PTPRH: variants seen among roughly 807,000 people sequenced by gnomAD.
PTPRH encodes protein tyrosine phosphatase receptor type H.
PTPRH carries 113 observed loss-of-function variants against 130.2 expected under a neutral mutation model. That is an observed-to-expected ratio of 0.87 (90% CI 0.75 to 1.01). PTPRH has a LOEUF of 1.01. PTPRH is among the 50% of genes least tolerant of loss of function. The pLI, the probability that PTPRH is intolerant of heterozygous loss-of-function variation, is 0.00. For synonymous variants in PTPRH, 556 were observed against 577.9 expected (o/e 0.96, Z 0.54); for missense variants, 1,430 against 1,425.0 (o/e 1.00, Z -0.06).
At position 55,186,139 on chromosome 19, in the gene PTPRH, T is replaced by C. The variant is rs575763508; in HGVS notation, c.2778+86A>G. ...CCTGGGGTTACCCTGGAGGAATCCG[T>C]AAGGTCTGGGTGTGGGGTCTACATT... On this transcript the variant is annotated intron_variant, in intron 16 of 19. Transcript: ENST00000376350. 1.3e-5 allele frequency: 21 copies of C among 1,569,780 alleles called. No individual in the cohort carries two copies. The Admixed American group carries it at 2.3e-4, about 17-fold the overall frequency.
Position 55,196,862 on chromosome 19 carries a change from T to A in PTPRH, c.1991-74A>T. 3 of 1,536,886 alleles carry A rather than the reference T, an allele frequency of 2.0e-6. No individual in the cohort carries two copies. The South Asian group carries it at 3.7e-5, about 19-fold the overall frequency. On this transcript the variant is annotated intron_variant, in intron 9 of 19. Coordinates refer to ENST00000376350, the MANE Select transcript of PTPRH (RefSeq NM_002842.5). The stretch of plus-strand genomic sequence containing the variant: ...CACCCCCTCCACCCCTACCCCCAGT[T>A]TTCTGAGACGAGCCCATCCCTTCCT...
intron 18 of PTPRH, among the ~76,000 whole-genome samples, chr19:55,184,691 A>G (rs1044843554): frequency 7.3e-5 from 11 of 150,296 alleles, no homozygotes; most frequent in Admixed American, 6.6e-5. Flanking sequence ...GGAGGCTGAG[A>G]CAGGAGAATT....
At chr19:55,201,929 G>A in intron 6 of PTPRH, 127 bp downstream of exon 6, 2 of 1,422,666 alleles carry the variant, frequency 1.4e-6, no homozygotes, top group Non-Finnish European at 1.9e-6. Context: ...GACTGCCCCA[G>A]GATGTGGACA....
At chr19:55,197,667 A>G (rs931334414) in intron 8 of PTPRH, among the ~76,000 whole-genome samples, 1 of 152,096 alleles carries the variant, frequency 6.6e-6, no homozygotes, top group African/African-American at 2.4e-5. Context: ...AATGCACACC[A>G]ATTCCACCTA....
At chr19:55,200,938 G>A (rs1390148235) in intron 6 of PTPRH, among the ~76,000 whole-genome samples, 2 of 146,354 alleles carry the variant, frequency 1.4e-5, no homozygotes, top group African/African-American at 5.2e-5. Flanking sequence ...GCGAGACTCC[G>A]TCTCAAAACA....
intron 7 of PTPRH, 57 bp downstream of exon 7, chr19:55,200,179 C>T: frequency 1.3e-6 from 2 of 1,592,008 alleles, no homozygotes; most frequent in East Asian, 2.2e-5. Flanking sequence ...TGCCACGCCG[C>T]TCCTGCTGGT....
At chr19:55,199,789 GA>G (rs938216202) in intron 7 of PTPRH, among the ~76,000 whole-genome samples, 43 of 143,394 alleles carry the variant, frequency 3.0e-4, no homozygotes, top group South Asian at 2.2e-4. Flanking sequence ...GAGAGAGACA[GA>G]AAAAAAGAAA....
At chr19:55,200,964 C>CAA (rs66964920) in intron 6 of PTPRH, among the ~76,000 whole-genome samples, 36 of 148,718 alleles carry the variant, frequency 2.4e-4, no homozygotes, top group South Asian at 1.7e-3. Context: ...AAAAAACAAA[C>CAA]AAAAAAAACA....
chr19:55,187,690 G>T, intron 13 of PTPRH, 87 bp from the exon 14 acceptor site: 1 of 939,398 alleles, frequency 1.1e-6, no homozygotes, highest in South Asian at 1.3e-5. Flanking sequence ...TGCCTTCTTC[G>T]GCATCACCCC....
chr19:55,181,972 C>G (rs368424554), intron 19 of PTPRH, 44 bp downstream of exon 19: 4 of 1,613,416 alleles, frequency 2.5e-6, no homozygotes, highest in Non-Finnish European at 3.4e-6. Flanking sequence ...CAGGGTCCCT[C>G]GTCCCACTGC....
Position 55,196,522 on chromosome 19 carries a change from C to A in PTPRH, c.2257G>T (p.Gly753Trp). 6.2e-7 allele frequency: 1 copy of A among 1,609,644 alleles called. No individual in the cohort carries two copies. Among genetic ancestry groups the A allele is most frequent in the Non-Finnish European group, 8.5e-7 (1 of 1,178,414 alleles). ...HSVVCHTESA[G>W]VIAGAFVGIL... ...GGCTGGCCCGCGCGGCTCCGCTCAC[C>A]TGCACTCTCGGTGTGGCAGACCACA... Residue 753 changes from glycine (G) to tryptophan (W), a missense_variant and splice_region_variant, in exon 10 of 20, where the codon GGG (glycine) becomes TGG (tryptophan). Gly to Trp is a radical substitution (Grantham distance 184). Transcript: ENST00000376350.
At chr19:55,192,455 A>AT (rs2086571859) in intron 10 of PTPRH, among the ~76,000 whole-genome samples, 1 of 152,100 alleles carries the variant, frequency 6.6e-6, no homozygotes, top group African/African-American at 2.4e-5. Flanking sequence ...ATTACAGATG[A>AT]AATGTATGTT....
rs1466923614 is a variant in PTPRH at position 55,181,907 on chromosome 19, G to A, written c.3199-4C>T. 1 of 1,614,092 alleles carries A rather than the reference G, an allele frequency of 6.2e-7. No homozygotes were observed. Among genetic ancestry groups the A allele is most frequent in the African/African-American group, 1.3e-5 (1 of 74,936 alleles). On this transcript the variant is annotated splice_region_variant and splice_polypyrimidine_tract_variant and intron_variant, in intron 19 of 19. Transcript: ENST00000376350. ...GATGCAGGAATACGTACTGAGCCTG[G>A]GAAGCAGGCACGGGAGTGAGAGGCG... is the stretch of plus-strand genomic sequence containing the variant.
rs903468714 is a variant in PTPRH, at chr19:55,209,154, T to C, written c.51+229A>G. On this transcript the variant is annotated intron_variant, in intron 1 of 19. Coordinates refer to ENST00000376350, the MANE Select transcript of PTPRH (RefSeq NM_002842.5). This position sits in a 1 kb window ranked among gnomAD's most constrained non-coding sequence, Gnocchi z 4.1. ...GTGTCCCCCACAACAGACACGACAA[T>C]GTCTAAGGGCCCGGGTGAAGCTGGT... 6.0e-5 allele frequency among the ~76,000 whole-genome samples: 9 copies of C among 151,114 alleles called. No homozygotes were observed. The highest frequency in any genetic ancestry group is 2.2e-4 in the African/African-American group (9 of 41,056).
At chr19:55,190,558 A>G (rs1000788448) in intron 12 of PTPRH, among the ~76,000 whole-genome samples, 1 of 128,824 alleles carries the variant, frequency 7.8e-6, no homozygotes, top group Non-Finnish European at 1.6e-5. Flanking sequence ...ATAATATATT[A>G]TATATATAAC....
At chr19:55,194,317 T>C in intron 10 of PTPRH, 7 of 1,285,418 alleles carry the variant, frequency 5.4e-6, no homozygotes, top group Non-Finnish European at 7.1e-6. Flanking sequence ...AGTGTGTTTG[T>C]TGACAGGGAA....
rs992571962 is a variant in PTPRH at position 55,206,464 on chromosome 19, C to T, written c.352+225G>A. Among the ~76,000 whole-genome samples the T allele has an allele frequency of 6.0e-5, 9 of 150,558 alleles. No individual in the cohort carries two copies. The East Asian group carries it at 7.8e-4, about 13-fold the overall frequency. ...TCAGCCTCCCGAGTAGATGGGACCA[C>T]GGGAACACGCCACCACAGCTACTTT... On this transcript the variant is annotated intron_variant, in intron 3 of 19. Coordinates refer to ENST00000376350, the MANE Select transcript of PTPRH (RefSeq NM_002842.5).
In PTPRH at chr19:55,206,851, A is replaced by G. The variant is rs1175835694; in HGVS notation, c.190T>C (p.Trp64Arg). The G allele has an allele frequency of 1.2e-6, 2 of 1,614,046 alleles. No individual in the cohort carries two copies. The highest frequency in any genetic ancestry group is 1.7e-6 in the Non-Finnish European group (2 of 1,179,978). ...CCGCCGTCTCCAGTACACTGAACCC[A>G]GTAGTTGGAGTTCTGTGAGTCTAGG... Reference protein sequence around the residue: ...DGLDSQNSNYWVQCTGDGGTT... With the variant: ...DGLDSQNSNYRVQCTGDGGTT... The change falls in exon 3 of 20, where the codon TGG becomes CGG. Residue 64 changes from tryptophan to arginine, a missense_variant. By Grantham distance (101) the Trp-to-Arg change is moderately radical (BLOSUM62 -3). Coordinates refer to ENST00000376350, the MANE Select transcript of PTPRH (RefSeq NM_002842.5).
rs1233404446 is a variant in PTPRH, at chr19:55,190,526, T to C, written c.2384+975A>G. 5.0e-5 allele frequency among the ~76,000 whole-genome samples: 7 copies of C among 140,632 alleles called. No homozygotes were observed. In the East Asian group the frequency reaches 1.4e-3, roughly 28 times the overall value. 92.3% of individuals were successfully genotyped at this position (140,632 alleles called of 152,430 possible). Reference sequence around the variant, plus strand: ...TATATTATATATAATGTATATTTTATATTGTATAATATATATAATATATAA... The same window carrying C: ...TATATTATATATAATGTATATTTTACATTGTATAATATATATAATATATAA... On this transcript the variant is annotated intron_variant, in intron 12 of 19. Transcript: ENST00000376350.
Sources: gnomAD v4.1 joint callset for allele counts (sites outside exome capture counted in the v4.1 genomes callset) on GRCh38, gnomAD v4.1.1 for gene constraint, Gnocchi (gnomAD v3.1) non-coding constraint, MANE v1.5 for transcripts, NCBI Gene and HGNC (gene_info 2026-07-23, HGNC 2026-07-21) for gene names.